Variants in RPGR observed in about 807,000 individuals in gnomAD.
The protein encoded by RPGR is X-linked retinitis pigmentosa GTPase regulator.
Under a neutral mutation model 56.3 loss-of-function variants are expected in RPGR, and 10 were observed. That is an observed-to-expected ratio of 0.18 (90% CI 0.11 to 0.30). The LOEUF (loss-of-function observed/expected upper bound fraction) is 0.30, where lower values mean the gene tolerates loss of function less well. Ranked by LOEUF, RPGR falls within the 10% of genes least tolerant of loss-of-function variation. The pLI is 1.00. For missense variants in RPGR, 538 were observed against 590.9 expected, an observed-to-expected ratio of 0.91 and a Z score of 0.93; for synonymous variants, 197 against 212.9, an observed-to-expected ratio of 0.93 and a Z score of 0.65.
intron 11 of RPGR, among the ~76,000 whole-genome samples, chrX:38,295,586 C>A (rs1302798713): frequency 8.9e-6 from 1 of 111,946 alleles, no homozygotes; most frequent in Non-Finnish European, 1.9e-5. Context: ...TTTTCCATGT[C>A]CAGGGCTGAA....
chrX:38,301,452 C>G (rs1343838177), intron 8 of RPGR, 81 bp from the exon 9 acceptor site: 1 of 881,794 alleles, frequency 1.1e-6, no homozygotes, highest in African/African-American at 2.0e-5. Flanking sequence ...CATGTTAACT[C>G]ATACTGCAAT....
intron 10 of RPGR, among the ~76,000 whole-genome samples, chrX:38,297,770 T>G (rs1322430811): frequency 1.8e-5 from 2 of 111,588 alleles, no homozygotes; most frequent in African/African-American, 6.5e-5. Flanking sequence ...TACAAAACAC[T>G]GATGGGGTAT....
chrX:38,275,137 C>T lies in RPGR; in HGVS notation c.2101G>A (p.Ala701Thr), dbSNP rs781185543. ...CAAATGGCCCGTTCCTCTAGGTTGGCTTTTTCTTTCTATAAACAATAACAA... is the reference window on the plus strand; with the variant it reads ...CAAATGGCCCGTTCCTCTAGGTTGGTTTTTTCTTTCTATAAACAATAACAA... The change falls in exon 17 of 19, where the codon GCC (alanine) becomes ACC (threonine). Residue 701 changes from alanine (A) to threonine (T), a missense_variant. Around this residue, in one of 2 missense-constraint regions of RPGR, gnomAD observed 357 missense variants for 325.8 expected, o/e 1.10. Coordinates refer to ENST00000642395, the MANE Select transcript of RPGR (RefSeq NM_000328.3). 7.4e-5 allele frequency: 89 copies of T among 1,205,524 alleles called. No individual in the cohort carries two copies. Among genetic ancestry groups the T allele is most frequent in the Non-Finnish European group, 8.3e-5 (74 of 891,492 alleles).
At chrX:38,269,985 G>GT (rs1221578642) in intron 18 of RPGR, among the ~76,000 whole-genome samples, 1 of 111,692 alleles carries the variant, frequency 9.0e-6, no homozygotes, top group Non-Finnish European at 1.9e-5. Flanking sequence ...CTTAGCATCT[G>GT]TTAGAGTTTT....
chrX:38,298,890 T>C, intron 10 of RPGR, 66 bp downstream of exon 10: 1 of 1,112,471 alleles, frequency 9.0e-7, no homozygotes, highest in Admixed American at 2.2e-5. Context: ...GAAAACAGAT[T>C]TTTTTCTTCT....
chrX:38,316,218 T>G (rs2067824015), intron 6 of RPGR, among the ~76,000 whole-genome samples: 1 of 111,113 alleles, frequency 9.0e-6, no homozygotes, highest in Admixed American at 9.6e-5. Flanking sequence ...TAAAAGACAT[T>G]CCATTGTACA....
intron 7 of RPGR, among the ~76,000 whole-genome samples, chrX:38,307,552 T>C (rs997508068): frequency 4.5e-5 from 5 of 112,159 alleles, no homozygotes; most frequent in Non-Finnish European, 9.4e-5. Flanking sequence ...GTGAAAGAAA[T>C]TGGAACAGGT....
chrX:38,271,483 A>G (rs1415661853), intron 18 of RPGR, among the ~76,000 whole-genome samples: 1 of 112,279 alleles, frequency 8.9e-6, no homozygotes, highest in African/African-American at 3.2e-5. Flanking sequence ...GCTGACTCAT[A>G]ACTTAGACTT....
intron 6 of RPGR, 151 bp downstream of exon 6, chrX:38,317,165 A>C: frequency 1.9e-6 from 1 of 518,898 alleles, no homozygotes; most frequent in Non-Finnish European, 3.2e-6. Context: ...TAAATGGGGA[A>C]ATACTGTGAC....
intron 18 of RPGR, among the ~76,000 whole-genome samples, chrX:38,270,908 GA>G (rs756303549): frequency 9.0e-6 from 1 of 111,506 alleles, no homozygotes; most frequent in African/African-American, 3.3e-5. Context: ...GCAAAATTGG[GA>G]AAACTAGGCA....
intron 6 of RPGR, among the ~76,000 whole-genome samples, chrX:38,311,366 T>G (rs745680049): frequency 8.9e-6 from 1 of 112,437 alleles, no homozygotes; most frequent in Non-Finnish European, 1.9e-5. Flanking sequence ...TCACACTGTA[T>G]TATGACTGTG....
chrX:38,310,133 T>C (rs1178647104), intron 7 of RPGR, among the ~76,000 whole-genome samples: 1 of 110,379 alleles, frequency 9.1e-6, no homozygotes, highest in Non-Finnish European at 1.9e-5. Context: ...CTGGCTAATA[T>C]TAGTAAAGAT....
chrX:38,316,179 T>A (rs2067823564), intron 6 of RPGR, among the ~76,000 whole-genome samples: 3 of 111,422 alleles, frequency 2.7e-5, no homozygotes. Context: ...GTATAAAAGT[T>A]CATTTTATGT....
intron 6 of RPGR, among the ~76,000 whole-genome samples, chrX:38,312,134 G>A (rs1450350440): frequency 8.9e-6 from 1 of 112,033 alleles, no homozygotes; most frequent in Non-Finnish European, 1.9e-5. Flanking sequence ...CTCAAATACT[G>A]TAAACACAGC....
At chrX:38,301,988 C>T (rs775508941) in intron 8 of RPGR, among the ~76,000 whole-genome samples, 1 of 111,628 alleles carries the variant, frequency 9.0e-6, no homozygotes, top group South Asian at 3.8e-4. Context: ...CTACTACTGG[C>T]TTAGCTTAAC....
At chrX:38,308,254 A>G (rs1033575553) in intron 7 of RPGR, 2 of 111,948 alleles carry the variant, frequency 1.8e-5, no homozygotes, top group East Asian at 5.6e-4. Flanking sequence ...CATAATTTAA[A>G]AAACTTTACT....
intron 18 of RPGR, among the ~76,000 whole-genome samples, chrX:38,270,831 A>G (rs1327702737): frequency 9.0e-6 from 1 of 110,592 alleles, no homozygotes; most frequent in Non-Finnish European, 1.9e-5. Context: ...ATAAGAAAAG[A>G]GGCAAAAAGA....
intron 15 of RPGR, among the ~76,000 whole-genome samples, chrX:38,282,362 T>C (rs1005680786): frequency 9.0e-6 from 1 of 111,099 alleles, no homozygotes; most frequent in African/African-American, 3.3e-5. Flanking sequence ...GACTTCACTT[T>C]CTCAACCTCT....
chrX:38,286,918 T>G, intron 15 of RPGR: 1 of 1,208,600 alleles, frequency 8.3e-7, no homozygotes, highest in Non-Finnish European at 1.1e-6. Context: ...TGCTAGTTCC[T>G]TCTCTCCCTC....
Sources: gnomAD v4.1 joint callset for allele counts (sites outside exome capture counted in the v4.1 genomes callset) on GRCh38, gnomAD v4.1.1 for gene constraint, gnomAD v4.1.1 regional missense constraint, MANE v1.5 for transcripts, NCBI Gene and HGNC (gene_info 2026-07-23, HGNC 2026-07-21) for gene names.